EPHA3: variants seen among roughly 807,000 people sequenced by gnomAD.
EPHA3 encodes the protein EPH receptor A3, also known as ephrin type-A receptor 3.
EPHA3 carries 42 observed loss-of-function variants against 107.1 expected under a neutral mutation model. The observed-to-expected ratio is 0.39, with a 90% CI of 0.31 to 0.51. The LOEUF (loss-of-function observed/expected upper bound fraction) is 0.51, where lower values mean the gene tolerates loss of function less well. Ranked by LOEUF, EPHA3 falls within the 20% of genes least tolerant of loss-of-function variation. EPHA3 has a pLI of 0.78. For missense variants in EPHA3, 1,183 were observed against 1,211.2 expected (o/e 0.98, Z 0.35); for synonymous variants, 461 against 424.8 (o/e 1.09, Z -1.05).
intron 1 of EPHA3, among the ~76,000 whole-genome samples, chr3:89,114,729 G>C (rs939109224): frequency 2.0e-5 from 3 of 152,180 alleles, no homozygotes; most frequent in African/African-American, 7.2e-5. Flanking sequence ...AAGCGAACAC[G>C]AGCGCCAGGA....
chr3:89,293,853 GACTA>G (rs1706278477), intron 3 of EPHA3, among the ~76,000 whole-genome samples: 1 of 152,106 alleles, frequency 6.6e-6, no homozygotes, highest in South Asian at 2.1e-4. Context: ...TGTGAAAACA[GACTA>G]ATACCGTCTG....
chr3:89,177,266 A>T (rs1196831097), intron 2 of EPHA3, among the ~76,000 whole-genome samples: 2 of 152,162 alleles, frequency 1.3e-5, no homozygotes, highest in Admixed American at 1.3e-4. Context: ...TTTACATCTG[A>T]TCTGCAAAAG....
At chr3:89,187,668 C>G (rs1705602451) in intron 2 of EPHA3, among the ~76,000 whole-genome samples, 2 of 151,888 alleles carry the variant, frequency 1.3e-5, no homozygotes, top group African/African-American at 4.8e-5. Flanking sequence ...CTGGTAAATA[C>G]TGTAGAAAAT....
At chr3:89,191,282 T>A (rs1355301423) in intron 2 of EPHA3, among the ~76,000 whole-genome samples, 4 of 151,418 alleles carry the variant, frequency 2.6e-5, no homozygotes, top group African/African-American at 7.3e-5. Context: ...TATTATATTT[T>A]TATTTTTATT....
intron 3 of EPHA3, among the ~76,000 whole-genome samples, chr3:89,273,593 C>A (rs1470223693): frequency 1.3e-5 from 2 of 151,768 alleles, no homozygotes; most frequent in East Asian, 3.9e-4. Context: ...TTTTCTTTAT[C>A]CATGGTAGTT....
intron 2 of EPHA3, among the ~76,000 whole-genome samples, chr3:89,171,965 G>A (rs566798131): frequency 6.6e-6 from 1 of 152,246 alleles, no homozygotes; most frequent in Admixed American, 6.5e-5. Context: ...AAAAAGTAGT[G>A]TTCTGTGAGA....
chr3:89,253,387 C>T (rs1246742208), intron 3 of EPHA3, among the ~76,000 whole-genome samples: 2 of 151,980 alleles, frequency 1.3e-5, no homozygotes, highest in Non-Finnish European at 1.5e-5. Flanking sequence ...ATGCCCTCCT[C>T]CCACCTCAAA....
At chr3:89,438,354 G>T (rs1411018720) in intron 13 of EPHA3, among the ~76,000 whole-genome samples, 2 of 151,806 alleles carry the variant, frequency 1.3e-5, no homozygotes, top group African/African-American at 4.8e-5. Flanking sequence ...CTCGTGATCC[G>T]CCAGCCTCGG....
chr3:89,414,231 G>A (rs1246286574), intron 10 of EPHA3, among the ~76,000 whole-genome samples: 2 of 151,672 alleles, frequency 1.3e-5, no homozygotes, highest in Non-Finnish European at 2.9e-5. Flanking sequence ...AAATCAAGCA[G>A]TAGTTAGTAT....
In EPHA3 at chr3:89,390,555, G is replaced by A. The variant is rs576973241; in HGVS notation, c.1307-5282G>A. On this transcript the variant is annotated intron_variant, in intron 5 of 16. Transcript: ENST00000336596. ...GCAAAGGTTGCAGTGAGCCAAGATC[G>A]TGCCACCGCACTCCAGCCTGGGCAA... 1.5e-3 allele frequency among the ~76,000 whole-genome samples: 217 copies of A among 149,224 alleles called. 1 individual carries two copies. Among genetic ancestry groups the A allele is most frequent in the South Asian group, 0.011 (53 of 4,696 alleles).
chr3:89,250,997 G>T (rs1443451116), intron 3 of EPHA3, among the ~76,000 whole-genome samples: 1 of 152,078 alleles, frequency 6.6e-6, no homozygotes, highest in Non-Finnish European at 1.5e-5. Flanking sequence ...ATCTTTCATG[G>T]AACTGCTAGA....
chr3:89,236,577 G>A (rs1317556666), intron 3 of EPHA3, among the ~76,000 whole-genome samples: 2 of 80,388 alleles, frequency 2.5e-5, no homozygotes, highest in African/African-American at 1.4e-4. Flanking sequence ...TCTGGGGACT[G>A]TTGTGGGGTG....
At chr3:89,126,940 T>C (rs1246926731) in intron 1 of EPHA3, among the ~76,000 whole-genome samples, 1 of 151,810 alleles carries the variant, frequency 6.6e-6, no homozygotes, top group Non-Finnish European at 1.5e-5. Context: ...CCATAATTAT[T>C]ATGCCAGAAA....
chr3:89,402,927 CT>C (rs1708994240), intron 7 of EPHA3, among the ~76,000 whole-genome samples: 1 of 152,134 alleles, frequency 6.6e-6, no homozygotes, highest in Non-Finnish European at 1.5e-5. Context: ...ATCCGACTGC[CT>C]TGGCCTTCAA....
At chr3:89,440,264 T>C (rs1709758565) in intron 13 of EPHA3, among the ~76,000 whole-genome samples, 1 of 152,216 alleles carries the variant, frequency 6.6e-6, no homozygotes, top group African/African-American at 2.4e-5. Flanking sequence ...CCTGAGAAGC[T>C]AATATTTCCC....
chr3:89,428,889 G>A (rs567720636), intron 11 of EPHA3, among the ~76,000 whole-genome samples: 2 of 152,008 alleles, frequency 1.3e-5, no homozygotes, highest in African/African-American at 4.8e-5. Context: ...ATTGGTCATG[G>A]GCCTTTGTTC....
chr3:89,225,011 A>T (rs1704470155), intron 3 of EPHA3, among the ~76,000 whole-genome samples: 1 of 152,156 alleles, frequency 6.6e-6, no homozygotes, highest in African/African-American at 2.4e-5. Flanking sequence ...TAGCAATCAA[A>T]TTCAGTTAAA....
At chr3:89,246,712 T>C (rs2107255383) in intron 3 of EPHA3, among the ~76,000 whole-genome samples, 1 of 152,350 alleles carries the variant, frequency 6.6e-6, no homozygotes, top group East Asian at 1.9e-4. Flanking sequence ...GATAGAAATA[T>C]GTATAATAGC....
intron 10 of EPHA3, among the ~76,000 whole-genome samples, chr3:89,417,497 G>T (rs376578750): frequency 6.6e-6 from 1 of 151,414 alleles, no homozygotes; most frequent in African/African-American, 2.4e-5. Context: ...AAATGGGAGC[G>T]CTCTGATAAT....
Sources: gnomAD v4.1 joint callset for allele counts (sites outside exome capture counted in the v4.1 genomes callset) on GRCh38, gnomAD v4.1.1 for gene constraint, MANE v1.5 for transcripts, NCBI Gene and HGNC (gene_info 2026-07-23, HGNC 2026-07-21) for gene names.